Variants in TNIK observed in about 807,000 individuals in gnomAD.
TNIK encodes TRAF2 and NCK interacting kinase, also known as TRAF2 and NCK-interacting protein kinase.
TNIK carries 49 observed loss-of-function variants against 191.3 expected under a neutral mutation model. That is an observed-to-expected ratio of 0.26 (90% confidence interval 0.20 to 0.32). TNIK has a LOEUF of 0.32. Among genes scored for constraint, TNIK ranks in the 10% least tolerant of loss-of-function variants. The pLI is 1.00. For synonymous variants in TNIK, 594 were observed against 600.9 expected, an observed-to-expected ratio of 0.99 and a Z score of 0.17; for missense variants, 1,155 against 1,702.3, an observed-to-expected ratio of 0.68 and a Z score of 5.66.
intron 5 of TNIK, among the ~76,000 whole-genome samples, chr3:171,192,232 T>A (rs1738151351): frequency 6.6e-6 from 1 of 152,160 alleles, no homozygotes; most frequent in Non-Finnish European, 1.5e-5. Flanking sequence ...CATCAGGGGT[T>A]TAAATGTGTG....
chr3:171,252,455 CACG>C (rs1271240489), intron 2 of TNIK, among the ~76,000 whole-genome samples: 2 of 152,156 alleles, frequency 1.3e-5, no homozygotes, highest in East Asian at 3.8e-4. Flanking sequence ...ATATCGTGTG[CACG>C]ACATTATATC....
In TNIK at chr3:171,110,839, C is replaced by A. The variant is rs763964149; in HGVS notation, c.2159G>T (p.Ser720Ile). 3 of 1,605,284 alleles carry A rather than the reference C, an allele frequency of 1.9e-6. No homozygotes were observed. Among genetic ancestry groups the A allele is most frequent in the East Asian group, 2.2e-5 (1 of 44,652 alleles). The change falls in exon 19 of 33, where the codon AGC (serine) becomes ATC (isoleucine). Residue 720 changes from serine (S) to isoleucine (I), a missense_variant. Around this residue, in one of 3 missense-constraint regions of TNIK, gnomAD observed 735 missense variants for 848.0 expected, o/e 0.87. Transcript: ENST00000436636. ...GCCACTGCTGGTCCTCTGCAAGGGGCTCTCCAAGATGGGCTCAGTTCTCCG... is the reference window on the plus strand; with the variant it reads ...GCCACTGCTGGTCCTCTGCAAGGGGATCTCCAAGATGGGCTCAGTTCTCCG... The part of the protein sequence containing the change: ...DLRRTEPILE[S>I]PLQRTSSGSS...
chr3:171,387,060 T>G (rs1373827214), intron 1 of TNIK, among the ~76,000 whole-genome samples: 1 of 152,208 alleles, frequency 6.6e-6, no homozygotes, highest in Non-Finnish European at 1.5e-5. Flanking sequence ...TGGTGCTAAT[T>G]AAATAAGCTG....
chr3:171,367,928 G>A (rs984256219), intron 2 of TNIK, among the ~76,000 whole-genome samples: 1 of 152,066 alleles, frequency 6.6e-6, no homozygotes, highest in Admixed American at 6.5e-5. Context: ...CCTTAAACTT[G>A]GAAGGTGCCA....
chr3:171,263,783 G>A (rs1747987776), intron 2 of TNIK, among the ~76,000 whole-genome samples: 1 of 151,768 alleles, frequency 6.6e-6, no homozygotes, highest in Non-Finnish European at 1.5e-5. Flanking sequence ...GCTTACCCTA[G>A]GATGGAGCAA....
chr3:171,306,809 T>C (rs1030527316), intron 2 of TNIK, among the ~76,000 whole-genome samples: 1 of 152,016 alleles, frequency 6.6e-6, no homozygotes, highest in East Asian at 1.9e-4. Context: ...GAAGCAGCAA[T>C]GATTCCCAGC....
chr3:171,128,169 TG>T (rs1393913097), intron 16 of TNIK, among the ~76,000 whole-genome samples: 1 of 152,240 alleles, frequency 6.6e-6, no homozygotes, highest in East Asian at 1.9e-4. Context: ...CCAGAGTTGC[TG>T]ATCAGTTGGT....
At chr3:171,385,565 A>G (rs1718615621) in intron 1 of TNIK, among the ~76,000 whole-genome samples, 1 of 152,140 alleles carries the variant, frequency 6.6e-6, no homozygotes, top group Non-Finnish European at 1.5e-5. Flanking sequence ...CAGGCAGGAA[A>G]TCGATACAAA....
chr3:171,460,028 T>C lies in TNIK; in HGVS notation c.36A>G (p.Glu12=), dbSNP rs773263230. The change falls in exon 1 of 33, where the codon GAA becomes GAG. Residue 12 remains glutamate (E), a synonymous_variant. Transcript: ENST00000436636. The surrounding 1 kb of genome is among the most constrained non-coding windows in gnomAD (Gnocchi z 6.8). ...TCACCCTCAGAGCCGAGAGATCTAT[T>C]TCATCCAGGCTTCGAGCCGGGGAGT... ...ASDSPARSLD[E]IDLSALRDPA... The C allele has an allele frequency of 1.2e-6, 2 of 1,609,534 alleles. No homozygotes were observed. Among genetic ancestry groups the C allele is most frequent in the South Asian group, 2.2e-5 (2 of 89,764 alleles).
chr3:171,180,761 C>G (rs1311809622), intron 7 of TNIK, among the ~76,000 whole-genome samples: 1 of 152,206 alleles, frequency 6.6e-6, no homozygotes, highest in Non-Finnish European at 1.5e-5. Flanking sequence ...TAGGCCAGTT[C>G]TCTTTTAACT....
At chr3:171,347,344 C>T (rs917490609) in intron 2 of TNIK, 13 of 983,208 alleles carry the variant, frequency 1.3e-5, no homozygotes, top group African/African-American at 1.6e-5. Context: ...GCCTGGTATA[C>T]AAGTCCTAAG....
intron 12 of TNIK, among the ~76,000 whole-genome samples, chr3:171,156,180 T>C (rs764720613): frequency 1.3e-5 from 2 of 152,236 alleles, no homozygotes; most frequent in Non-Finnish European, 1.5e-5. Context: ...GCATCCTGCC[T>C]GGTACTTGAC....
chr3:171,376,230 C>G (rs1407103461), intron 1 of TNIK, among the ~76,000 whole-genome samples: 1 of 152,204 alleles, frequency 6.6e-6, no homozygotes, highest in Non-Finnish European at 1.5e-5. Context: ...TTTTCAACAT[C>G]ATCTTCGAAA....
At chr3:171,232,944 G>T (rs1473438414) in intron 2 of TNIK, among the ~76,000 whole-genome samples, 1 of 152,196 alleles carries the variant, frequency 6.6e-6, no homozygotes, top group Admixed American at 6.5e-5. Context: ...CTTCACTTTT[G>T]TTATTGTTGT....
intron 2 of TNIK, among the ~76,000 whole-genome samples, chr3:171,277,766 A>G (rs962245286): frequency 1.3e-5 from 2 of 152,220 alleles, no homozygotes; most frequent in African/African-American, 4.8e-5. Flanking sequence ...AGACTGCAAA[A>G]CCTAAAATAT....
rs549915220 is a variant in TNIK, at chr3:171,411,172, A to G, written c.58-41487T>C. The stretch of plus-strand genomic sequence containing the variant: ...AGCCTCGAATGCCTGAGGTCAAGCA[A>G]TCCTCCCACCTTAGCCTCTCAAGGA... On this transcript the variant is annotated intron_variant, in intron 1 of 32. Transcript: ENST00000436636. Among the ~76,000 whole-genome samples the G allele has an allele frequency of 6.6e-5, 10 of 152,138 alleles. No homozygotes were observed. In the Middle Eastern group the frequency reaches 0.01, roughly 155 times the overall value.
At chr3:171,283,668 C>T (rs183433223) in intron 2 of TNIK, among the ~76,000 whole-genome samples, 4 of 152,236 alleles carry the variant, frequency 2.6e-5, no homozygotes, top group Admixed American at 1.3e-4. Context: ...GTGGAGAGGT[C>T]GGGTGAGGAA....
At chr3:171,103,697 ATAATT>A (rs1240466256) in intron 21 of TNIK, among the ~76,000 whole-genome samples, 1 of 152,170 alleles carries the variant, frequency 6.6e-6, no homozygotes, top group African/African-American at 2.4e-5. Flanking sequence ...TACATTTTAT[ATAATT>A]TAAAGAGAGA....
intron 29 of TNIK, 80 bp downstream of exon 29, chr3:171,071,143 T>G: frequency 9.6e-7 from 1 of 1,044,392 alleles, no homozygotes. Context: ...TTGGTATTGG[T>G]CTATATGGAC....
Sources: allele counts gnomAD v4.1 joint callset (sites outside exome capture counted in the v4.1 genomes callset), GRCh38; gene constraint gnomAD v4.1.1; regional missense constraint gnomAD v4.1.1; non-coding constraint Gnocchi (gnomAD v3.1); transcripts MANE v1.5; gene names NCBI Gene and HGNC (gene_info 2026-07-23, HGNC 2026-07-21).